Variants in AK9 observed in about 807,000 individuals in gnomAD.
The protein encoded by AK9 is adenylate kinase 9.
A neutral mutation model predicts 239.6 loss-of-function variants in AK9; 191 were observed. The ratio of observed to expected loss-of-function variants is 0.80; its 90% CI spans 0.71 to 0.90. AK9 has a LOEUF of 0.90. AK9 is among the 40% of genes least tolerant of loss of function. AK9 has a pLI of 0.00. For missense variants in AK9, 1,995 were observed against 2,214.7 expected (o/e 0.90, Z 1.99); for synonymous variants, 689 against 721.0 (o/e 0.96, Z 0.71).
intron 33 of AK9, 112 bp downstream of exon 33, chr6:109,509,067 T>A: frequency 1.8e-6 from 2 of 1,118,994 alleles, no homozygotes; most frequent in Non-Finnish European, 2.5e-6. Flanking sequence ...GAGAAGTAGA[T>A]CACACCCTTT....
chr6:109,603,578 A>T (rs1562481250), intron 17 of AK9, among the ~76,000 whole-genome samples: 1 of 152,090 alleles, frequency 6.6e-6, no homozygotes, highest in Non-Finnish European at 1.5e-5. Flanking sequence ...GTGCTGGGAG[A>T]ACCACTACTC....
intron 12 of AK9, among the ~76,000 whole-genome samples, chr6:109,619,977 AGT>A (rs1794624823): frequency 6.6e-6 from 1 of 152,084 alleles, no homozygotes; most frequent in South Asian, 2.1e-4. Context: ...GAGATTCATC[AGT>A]GTTATTGTGG....
intron 10 of AK9, among the ~76,000 whole-genome samples, chr6:109,639,884 A>G (rs1583372474): frequency 6.6e-6 from 1 of 152,186 alleles, no homozygotes; most frequent in Admixed American, 6.5e-5. Context: ...CAGTTTTCCC[A>G]GCACCATTTA....
chr6:109,641,281 G>A (rs886188590), intron 10 of AK9, among the ~76,000 whole-genome samples: 5 of 148,900 alleles, frequency 3.4e-5, no homozygotes, highest in Non-Finnish European at 5.9e-5. Context: ...CAATCCTCCC[G>A]TCTCAGCTCC....
At chr6:109,528,630 C>T (rs948177209) in intron 29 of AK9, 3 of 452,124 alleles carry the variant, frequency 6.6e-6, no homozygotes, top group African/African-American at 4.0e-5. Context: ...TGCAGTTGCA[C>T]TGTACAATAT....
At chr6:109,653,666 G>C (rs1231502743) in intron 8 of AK9, among the ~76,000 whole-genome samples, 1 of 90,540 alleles carries the variant, frequency 1.1e-5, no homozygotes, top group African/African-American at 3.8e-5. Flanking sequence ...TTCCTTTCTT[G>C]TTTAGATTTT....
At chr6:109,665,036 T>C (rs1430654178) in intron 5 of AK9, among the ~76,000 whole-genome samples, 1 of 152,030 alleles carries the variant, frequency 6.6e-6, no homozygotes, top group Non-Finnish European at 1.5e-5. Context: ...CGAGACTCCG[T>C]CTCAAAAAAA....
intron 24 of AK9, among the ~76,000 whole-genome samples, chr6:109,554,872 T>G (rs1470733919): frequency 6.6e-6 from 1 of 152,166 alleles, no homozygotes; most frequent in Non-Finnish European, 1.5e-5. Flanking sequence ...TGATATCCCC[T>G]TTGTCATTTG....
intron 17 of AK9, among the ~76,000 whole-genome samples, chr6:109,601,574 T>C (rs990315711): frequency 1.1e-4 from 16 of 152,128 alleles, no homozygotes; most frequent in South Asian, 4.2e-4. Flanking sequence ...GGGTGGAGAG[T>C]TCTGTAGATG....
At chr6:109,656,556 G>A (rs1799723042) in intron 8 of AK9, among the ~76,000 whole-genome samples, 200 bp downstream of exon 8, 1 of 152,110 alleles carries the variant, frequency 6.6e-6, no homozygotes. Flanking sequence ...CAGTAACAGA[G>A]TTGCTTTGTA....
In AK9 at chr6:109,523,560, G is replaced by A. The variant is rs150039004; in HGVS notation, c.3633+5451C>T. Among the ~76,000 whole-genome samples the A allele has an allele frequency of 2.9e-3, 448 of 152,300 alleles. 4 individuals carry two copies. The highest frequency in any genetic ancestry group is 9.8e-3 in the African/African-American group (406 of 41,566). On this transcript the variant is annotated intron_variant, in intron 29 of 40. Transcript: ENST00000424296. ...ATTTGGAGGAAGCAACTGGCATAGGGTGAGTTTTCTGATTTTGTTCATTTG... is the reference window on the plus strand; with the variant it reads ...ATTTGGAGGAAGCAACTGGCATAGGATGAGTTTTCTGATTTTGTTCATTTG...
At chr6:109,544,973 T>C (rs779237176) in intron 26 of AK9, among the ~76,000 whole-genome samples, 5 of 152,266 alleles carry the variant, frequency 3.3e-5, no homozygotes, top group South Asian at 2.1e-4. Flanking sequence ...TTTGGAGTCA[T>C]ATAAAACTCA....
chr6:109,550,997 A>G (rs945748819), intron 24 of AK9, among the ~76,000 whole-genome samples: 2 of 152,120 alleles, frequency 1.3e-5, no homozygotes, highest in Non-Finnish European at 1.5e-5. Flanking sequence ...CATTCTTAAT[A>G]GTTTTATCTC....
chr6:109,510,204 C>T (rs140510208), intron 32 of AK9, among the ~76,000 whole-genome samples: 7 of 152,172 alleles, frequency 4.6e-5, no homozygotes, highest in South Asian at 2.1e-4. Context: ...GACCAATCAG[C>T]AGGCACTTCC....
Position 109,662,660 on chromosome 6 carries a change from T to G in AK9, c.335A>C (p.Tyr112Ser), listed in dbSNP as rs745689593. 1 of 1,506,574 alleles carries G rather than the reference T, an allele frequency of 6.6e-7. No individual in the cohort carries two copies. The highest frequency in any genetic ancestry group is 8.9e-7 in the Non-Finnish European group (1 of 1,123,442). 93.3% of individuals were successfully genotyped at this position (1,506,574 alleles called of 1,614,324 possible). A position where few individuals can be genotyped will look rare whatever the true frequency, so the allele number is the denominator to read the frequency against. Residue 112 changes from tyrosine (Y) to serine (S), a missense_variant, in exon 6 of 41, where the codon TAT becomes TCT. Coordinates refer to ENST00000424296, the MANE Select transcript of AK9 (RefSeq NM_001145128.3). ...LNSPEVCHFG[Y>S]IITEIPSLSQ... ...AAGTGATGGTATTTCAGTGATAATA[T>G]AACCTGTAAAGTAAAATATAATTTT... is the stretch of plus-strand genomic sequence containing the variant.
chr6:109,607,263 A>G (rs1266453806), intron 17 of AK9, among the ~76,000 whole-genome samples: 2 of 152,180 alleles, frequency 1.3e-5, no homozygotes, highest in Non-Finnish European at 2.9e-5. Context: ...ATTACAGAAC[A>G]ATGCTGGGAA....
At chr6:109,503,482 T>G (rs1777798509) in intron 35 of AK9, among the ~76,000 whole-genome samples, 1 of 152,164 alleles carries the variant, frequency 6.6e-6, no homozygotes, top group Admixed American at 6.5e-5. Flanking sequence ...AGCCCCAGCC[T>G]TGTACCATCT....
chr6:109,628,727 A>G (rs1795808723), intron 12 of AK9, among the ~76,000 whole-genome samples: 1 of 152,156 alleles, frequency 6.6e-6, no homozygotes, highest in Non-Finnish European at 1.5e-5. Context: ...GGCAGCTTTC[A>G]TAAGTTTTTT....
intron 28 of AK9, 26 bp from the exon 29 acceptor site, chr6:109,529,099 A>T: frequency 6.5e-7 from 1 of 1,537,104 alleles, no homozygotes; most frequent in East Asian, 2.3e-5. Flanking sequence ...ACATTAAAAA[A>T]TTGTAATGGA....
Sources: allele counts gnomAD v4.1 joint callset (sites outside exome capture counted in the v4.1 genomes callset), GRCh38; gene constraint gnomAD v4.1.1; transcripts MANE v1.5; gene names NCBI Gene and HGNC (gene_info 2026-07-23, HGNC 2026-07-21).